The following HIVEP3 variants were observed in gnomAD, a reference collection of about 807,000 sequenced individuals.
The protein encoded by HIVEP3 is transcription factor HIVEP3.
A neutral mutation model predicts 152.8 loss-of-function variants in HIVEP3; 49 were observed. That is an observed-to-expected ratio of 0.32 (90% CI 0.26 to 0.41). HIVEP3 has a LOEUF of 0.41. Among genes scored for constraint, HIVEP3 ranks in the 10% least tolerant of loss-of-function variants. The pLI, the probability that HIVEP3 is intolerant of heterozygous loss-of-function variation, is 1.00. For missense variants in HIVEP3, 2,790 were observed against 3,103.3 expected, an observed-to-expected ratio of 0.90 and a Z score of 2.40; for synonymous variants, 1,269 against 1,289.0, an observed-to-expected ratio of 0.98 and a Z score of 0.33.
chr1:41,979,808 G>A (rs546987200), intron 1 of HIVEP3, among the ~76,000 whole-genome samples: 1 of 152,200 alleles, frequency 6.6e-6, no homozygotes, highest in Non-Finnish European at 1.5e-5. Flanking sequence ...GGGAAAATTT[G>A]ATATTCTTCC....
intron 1 of HIVEP3, among the ~76,000 whole-genome samples, chr1:41,957,539 G>A (rs1645146316): frequency 6.6e-6 from 1 of 152,194 alleles, no homozygotes; most frequent in African/African-American, 2.4e-5. Context: ...AAAAGCATCT[G>A]GGAGAACATC....
Position 41,886,623 on chromosome 1 carries a change from A to G in HIVEP3, c.-801+31790T>C, listed in dbSNP as rs540814791. ...GCTACTCGAGAGGCTGAAGCAGGAG[A>G]ATTGCTTGAACCTGGGAGGCGGAGG... On this transcript the variant is annotated intron_variant, in intron 1 of 8. Coordinates refer to ENST00000372583, the MANE Select transcript of HIVEP3 (RefSeq NM_024503.5). 3.1e-3 allele frequency among the ~76,000 whole-genome samples: 456 copies of G among 145,836 alleles called. 4 individuals are homozygous for G. Among genetic ancestry groups the G allele is most frequent in the Admixed American group, 5.5e-3 (78 of 14,274 alleles).
At chr1:41,587,228 G>T (rs946840198) in intron 3 of HIVEP3, among the ~76,000 whole-genome samples, 2 of 152,150 alleles carry the variant, frequency 1.3e-5, no homozygotes, top group Non-Finnish European at 2.9e-5. Context: ...CGGATTCAAT[G>T]ACATCCCTCT....
At chr1:41,964,784 A>C (rs1645188671) in intron 1 of HIVEP3, among the ~76,000 whole-genome samples, 1 of 152,206 alleles carries the variant, frequency 6.6e-6, no homozygotes, top group South Asian at 2.1e-4. Flanking sequence ...CCCTGGGGAA[A>C]GGGATGGCCA....
At chr1:41,591,660 C>T (rs910092899) in intron 3 of HIVEP3, among the ~76,000 whole-genome samples, 3 of 151,962 alleles carry the variant, frequency 2.0e-5, no homozygotes, top group Non-Finnish European at 4.4e-5. Flanking sequence ...ACTTTGCAGC[C>T]TCCAATGTAC....
At chr1:41,576,476 G>A (rs1644329279) in intron 4 of HIVEP3, among the ~76,000 whole-genome samples, 1 of 152,222 alleles carries the variant, frequency 6.6e-6, no homozygotes, top group African/African-American at 2.4e-5. Context: ...CTGCAGTGTT[G>A]TCAGGGGTGG....
intron 3 of HIVEP3, among the ~76,000 whole-genome samples, chr1:41,589,535 G>A (rs549180555): frequency 1.1e-4 from 16 of 152,328 alleles, no homozygotes; most frequent in East Asian, 9.6e-4. Flanking sequence ...TATCGAAGGC[G>A]TCAGGACAAC....
chr1:41,590,903 G>A (rs1644577996), intron 3 of HIVEP3, among the ~76,000 whole-genome samples: 1 of 152,082 alleles, frequency 6.6e-6, no homozygotes, highest in Non-Finnish European at 1.5e-5. Flanking sequence ...GCTGAACCCT[G>A]GCTCCTCCAC....
At chr1:41,876,451 A>G (rs1644172321) in intron 1 of HIVEP3, among the ~76,000 whole-genome samples, 1 of 152,212 alleles carries the variant, frequency 6.6e-6, no homozygotes, top group Non-Finnish European at 1.5e-5. Flanking sequence ...AAAGATAATA[A>G]TAGAACCTGT....
chr1:41,550,908 C>T (rs923785922), intron 5 of HIVEP3, among the ~76,000 whole-genome samples: 1 of 152,186 alleles, frequency 6.6e-6, no homozygotes, highest in Non-Finnish European at 1.5e-5. Context: ...ACTTCCAACA[C>T]TATGTTGAAT....
chr1:41,524,757 A>G lies in HIVEP3; in HGVS notation c.5361T>C (p.Cys1787=). ...TDVRPYVCKH[C]HFAFKTKGNL... is the part of the protein sequence containing the mutation. Reference sequence around the variant, plus strand: ...TACCTTTGGTTTTAAAAGCAAAGTGACAGTGCTTGCACACATAGGGCCGGA... The same window carrying G: ...TACCTTTGGTTTTAAAAGCAAAGTGGCAGTGCTTGCACACATAGGGCCGGA... The change falls in exon 6 of 9, where the codon TGT becomes TGC. Residue 1787 remains cysteine, a synonymous_variant. Coordinates refer to ENST00000372583, the MANE Select transcript of HIVEP3 (RefSeq NM_024503.5). 6.2e-7 allele frequency: 1 copy of G among 1,614,048 alleles called. No individual in the cohort carries two copies. The highest frequency in any genetic ancestry group is 1.1e-5 in the South Asian group (1 of 91,078).
intron 1 of HIVEP3, among the ~76,000 whole-genome samples, chr1:41,702,654 A>T (rs1381562327): frequency 6.6e-6 from 1 of 152,204 alleles, no homozygotes; most frequent in Non-Finnish European, 1.5e-5. Flanking sequence ...GTATTAATAC[A>T]ATTTCTCCTC....
At chr1:41,608,943 G>T (rs374014784) in intron 3 of HIVEP3, among the ~76,000 whole-genome samples, 14 of 147,380 alleles carry the variant, frequency 9.5e-5, no homozygotes, top group African/African-American at 3.6e-4. Context: ...AAATAGCCAG[G>T]TGTGGTGGTG....
chr1:41,524,201 G>A (rs1642837451), intron 6 of HIVEP3, among the ~76,000 whole-genome samples: 1 of 152,192 alleles, frequency 6.6e-6, no homozygotes, highest in Non-Finnish European at 1.5e-5. Flanking sequence ...GCCCTGTGCT[G>A]AGAGGTGCAG....
chr1:41,883,586 C>G (rs1261577913), intron 1 of HIVEP3, among the ~76,000 whole-genome samples: 1 of 152,230 alleles, frequency 6.6e-6, no homozygotes, highest in Non-Finnish European at 1.5e-5. Context: ...AGAACCAGAA[C>G]TTTCACTGAA....
At chr1:41,775,875 C>T (rs1343203437) in intron 1 of HIVEP3, among the ~76,000 whole-genome samples, 1 of 152,158 alleles carries the variant, frequency 6.6e-6, no homozygotes, top group Non-Finnish European at 1.5e-5. Context: ...ACATCACACC[C>T]ACAAAAAGGC....
chr1:41,774,772 T>TTTTATTTATTTATTTA lies in HIVEP3; in HGVS notation c.-800-73793_-800-73778dup, dbSNP rs199947047. Among the ~76,000 whole-genome samples, 1,204 of 143,774 alleles carry TTTTATTTATTTATTTA rather than the reference T, an allele frequency of 8.4e-3. 21 individuals are homozygous for TTTTATTTATTTATTTA. Among genetic ancestry groups the TTTTATTTATTTATTTA allele is most frequent in the African/African-American group, 0.022 (830 of 37,698 alleles). 94.3% of individuals were successfully genotyped at this position (143,774 alleles called of 152,430 possible). The stretch of plus-strand genomic sequence containing the variant: ...CTTAAGTTTTCACAAGCATCTTTTA[T>TTTTATTTATTTATTTA]TTTATTTATTTATTTATTTATTTAT... On this transcript the variant is annotated intron_variant, in intron 1 of 8. Transcript: ENST00000372583.
chr1:41,515,456 G>A (rs923566573), intron 7 of HIVEP3, among the ~76,000 whole-genome samples: 1 of 152,186 alleles, frequency 6.6e-6, no homozygotes, highest in Non-Finnish European at 1.5e-5. Flanking sequence ...GGGGATGGGG[G>A]TGAACTTTGT....
At chr1:41,743,812 G>C (rs1441468969) in intron 1 of HIVEP3, among the ~76,000 whole-genome samples, 1 of 152,122 alleles carries the variant, frequency 6.6e-6, no homozygotes, top group Non-Finnish European at 1.5e-5. Flanking sequence ...TTGAATGCCG[G>C]CCATCAGGCA....
Sources: gnomAD v4.1 joint callset for allele counts (sites outside exome capture counted in the v4.1 genomes callset) on GRCh38, gnomAD v4.1.1 for gene constraint, MANE v1.5 for transcripts, NCBI Gene and HGNC (gene_info 2026-07-23, HGNC 2026-07-21) for gene names.